MEI1: variants seen among roughly 807,000 people sequenced by gnomAD.
MEI1 encodes meiosis inhibitor protein 1.
Under a neutral mutation model 146.2 loss-of-function variants are expected in MEI1, and 103 were observed. That is an observed-to-expected ratio of 0.70 (90% CI 0.60 to 0.83). The LOEUF (loss-of-function observed/expected upper bound fraction) is 0.83, where lower values mean the gene tolerates loss of function less well. MEI1 is among the 40% of genes least tolerant of loss of function. The pLI, the probability that MEI1 is intolerant of heterozygous loss-of-function variation, is 0.00. For missense variants in MEI1, 1,529 were observed against 1,533.0 expected, an observed-to-expected ratio of 1.00 and a Z score of 0.04; for synonymous variants, 652 against 628.2, an observed-to-expected ratio of 1.04 and a Z score of -0.57.
At chr22:41,712,359 C>T (rs867979878) in intron 3 of MEI1, among the ~76,000 whole-genome samples, 7 of 150,986 alleles carry the variant, frequency 4.6e-5, no homozygotes, top group East Asian at 4.0e-4. Context: ...CTCGGTCTCC[C>T]GAGTAGCTGG....
Position 41,784,711 on chromosome 22 carries a change from C to T in MEI1, c.3273C>T (p.Asp1091=), listed in dbSNP as rs555110983. Residue 1091 remains aspartate (D), a synonymous_variant, in exon 26 of 31, where the codon GAC becomes GAT. Transcript: ENST00000401548. The part of the protein sequence containing the change: ...SGAQPLPATK[D]TVLAPLRMSQ... ...CCCAGCCACTGCCAGCCACCAAGGA[C>T]ACTGTCCTAGCTCCACTGCGAATGT... The T allele has an allele frequency of 1.1e-5, 18 of 1,613,536 alleles. 1 individual carries two copies. The South Asian group carries it at 1.6e-4, about 15-fold the overall frequency.
At chr22:41,725,671 C>T (rs2071269152) in intron 7 of MEI1, among the ~76,000 whole-genome samples, 1 of 152,238 alleles carries the variant, frequency 6.6e-6, no homozygotes, top group Admixed American at 6.5e-5. Flanking sequence ...TGTGCAGTTG[C>T]TCTTCCTCTG....
At chr22:41,729,397 T>C (rs1021941847) in intron 7 of MEI1, among the ~76,000 whole-genome samples, 1 of 152,170 alleles carries the variant, frequency 6.6e-6, no homozygotes, top group Non-Finnish European at 1.5e-5. Flanking sequence ...CTTGAGCACT[T>C]ATTGGTGATA....
At chr22:41,733,073 A>G (rs1174357455) in intron 11 of MEI1, among the ~76,000 whole-genome samples, 1 of 150,402 alleles carries the variant, frequency 6.6e-6, no homozygotes, top group Non-Finnish European at 1.5e-5. Context: ...GAGCCACCGC[A>G]TCCAGCTGAA....
At chr22:41,710,576 A>G (rs2069460925) in intron 3 of MEI1, among the ~76,000 whole-genome samples, 1 of 152,196 alleles carries the variant, frequency 6.6e-6, no homozygotes, top group African/African-American at 2.4e-5. Flanking sequence ...TTCAGAGGCC[A>G]TTCCACATTC....
chr22:41,773,309 C>T (rs906110865), intron 20 of MEI1, among the ~76,000 whole-genome samples: 1 of 152,156 alleles, frequency 6.6e-6, no homozygotes, highest in Non-Finnish European at 1.5e-5. Context: ...CTAATCTGAA[C>T]TTCAGTTTTC....
At chr22:41,722,188 G>A (rs1240654491) in intron 6 of MEI1, 2 of 151,732 alleles carry the variant, frequency 1.3e-5, no homozygotes, top group Admixed American at 1.3e-4. Flanking sequence ...CTCAGCCAGG[G>A]ATGTAGTCAC....
intron 12 of MEI1, 52 bp from the exon 13 acceptor site, chr22:41,744,921 A>G: frequency 2.6e-6 from 3 of 1,156,772 alleles, no homozygotes; most frequent in Non-Finnish European, 3.6e-6. Context: ...GCATAGACTG[A>G]GACACAGCAT....
chr22:41,775,409 T>C (rs540655939), intron 20 of MEI1, among the ~76,000 whole-genome samples: 3 of 152,204 alleles, frequency 2.0e-5, no homozygotes, highest in African/African-American at 7.2e-5. Flanking sequence ...AAACAACCTC[T>C]TGACCCTAAT....
rs545064236 is a variant in MEI1, at chr22:41,780,499, CAGA to C, written c.2816-782_2816-780del. ...TGCACTGATGAGGCCTGGGAGAATG[CAGA>C]AGCACATCTAATCTTGCCTTGAGAG... On this transcript the variant is annotated intron_variant, in intron 22 of 30. Transcript: ENST00000401548. Among the ~76,000 whole-genome samples, 215 of 151,774 alleles carry C rather than the reference CAGA, an allele frequency of 1.4e-3. 1 individual carries two copies. Among genetic ancestry groups the C allele is most frequent in the African/African-American group, 5.1e-3 (212 of 41,350 alleles).
chr22:41,704,504 C>T (rs1316642315), intron 2 of MEI1, among the ~76,000 whole-genome samples: 2 of 151,842 alleles, frequency 1.3e-5, no homozygotes, highest in Non-Finnish European at 2.9e-5. Context: ...ACCTCCACCT[C>T]CTGAGTTCAA....
intron 20 of MEI1, among the ~76,000 whole-genome samples, 171 bp downstream of exon 20, chr22:41,771,132 A>T (rs1275124060): frequency 6.6e-6 from 1 of 152,104 alleles, no homozygotes; most frequent in East Asian, 1.9e-4. Flanking sequence ...GTAGGTGCCT[A>T]GTTTCTGTAA....
chr22:41,756,867 C>T (rs1351970286), intron 17 of MEI1, among the ~76,000 whole-genome samples: 1 of 152,230 alleles, frequency 6.6e-6, no homozygotes, highest in Non-Finnish European at 1.5e-5. Flanking sequence ...GATGAAGTCC[C>T]AATTCCTTAA....
rs1258179119 is a variant in MEI1, at chr22:41,745,911, C to G, written c.1565C>G (p.Pro522Arg). ...CRLAIEFQSE[P>R]SAQENPFTAP... ...TTGGCTATAGAATTCCAGAGTGAGCCTTCAGCCCAGGAGAATCCATTCACA... is the reference window on the plus strand; with the variant it reads ...TTGGCTATAGAATTCCAGAGTGAGCGTTCAGCCCAGGAGAATCCATTCACA... The change falls in exon 14 of 31, where the codon CCT becomes CGT. Residue 522 changes from proline to arginine, a missense_variant. Pro to Arg is a moderately radical substitution (Grantham distance 103). This residue lies in a region of MEI1 where 1,212 missense variants were observed against 1,178.9 expected (regional missense o/e 1.03). Transcript: ENST00000401548. 1.2e-6 allele frequency: 2 copies of G among 1,611,476 alleles called. No homozygotes were observed. The highest frequency in any genetic ancestry group is 1.7e-5 in the Admixed American group (1 of 59,910).
intron 2 of MEI1, 132 bp from the exon 3 acceptor site, chr22:41,705,372 A>G (rs1198504915): frequency 1.3e-6 from 1 of 780,036 alleles, no homozygotes. Flanking sequence ...GGGTTTCGCC[A>G]TATTGGTCAG....
chr22:41,799,309 C>T lies in MEI1; in HGVS notation c.*10C>T. On this transcript the variant is annotated 3_prime_UTR_variant, in exon 31 of 31. Transcript: ENST00000401548. Reference sequence around the variant, plus strand: ...CCACATCAGAAACTGATCCTCAGGACTTGAAGGCCCAGAAGTGGAGAGAGA... The same window carrying T: ...CCACATCAGAAACTGATCCTCAGGATTTGAAGGCCCAGAAGTGGAGAGAGA... 1.2e-6 allele frequency: 2 copies of T among 1,613,236 alleles called. No homozygotes were observed.
intron 12 of MEI1, 42 bp downstream of exon 12, chr22:41,743,236 A>G (rs1395025704): frequency 1.4e-6 from 2 of 1,442,082 alleles, no homozygotes; most frequent in Admixed American, 1.7e-5. Flanking sequence ...ATCATGCTGC[A>G]GTGTGTTTTT....
At chr22:41,765,562 G>T (rs1428030998) in intron 19 of MEI1, among the ~76,000 whole-genome samples, 1 of 152,058 alleles carries the variant, frequency 6.6e-6, no homozygotes, top group Non-Finnish European at 1.5e-5. Flanking sequence ...ATTTTATTTT[G>T]ATATTATTTC....
At position 41,732,308 on chromosome 22, in the gene MEI1, A is replaced by G; in HGVS notation, c.1160A>G (p.Lys387Arg). ...SLKMNNIELH[K>R]QGLLLFAEIL... ...AAGATGAACAACATAGAGCTGCACA[A>G]GCAGGGCCTGCTGCTTTTCGCTGAA... The change falls in exon 10 of 31, where the codon AAG (lysine) becomes AGG (arginine). Residue 387 changes from lysine (K) to arginine (R), a missense_variant. Around this residue, in one of 3 missense-constraint regions of MEI1, gnomAD observed 1,212 missense variants for 1,178.9 expected, o/e 1.03. Coordinates refer to ENST00000401548, the MANE Select transcript of MEI1 (RefSeq NM_152513.4). The G allele has an allele frequency of 6.2e-7, 1 of 1,612,746 alleles. No individual in the cohort carries two copies. Among genetic ancestry groups the G allele is most frequent in the Middle Eastern group, 1.7e-4 (1 of 6,060 alleles).
Sources: gnomAD v4.1 joint callset for allele counts (sites outside exome capture counted in the v4.1 genomes callset) on GRCh38, gnomAD v4.1.1 for gene constraint, gnomAD v4.1.1 regional missense constraint, MANE v1.5 for transcripts, NCBI Gene and HGNC (gene_info 2026-07-23, HGNC 2026-07-21) for gene names.